The following RGS3 variants were observed in gnomAD, a reference collection of about 807,000 sequenced individuals.
RGS3 encodes regulator of G protein signaling 3.
In RGS3, 80 loss-of-function variants were observed where a neutral mutation model predicts 132.6. That is an observed-to-expected ratio of 0.60 (90% CI 0.50 to 0.73). RGS3 has a LOEUF of 0.73. RGS3 is among the 30% of genes least tolerant of loss of function. The pLI, the probability that RGS3 is intolerant of heterozygous loss-of-function variation, is 0.00. For missense variants in RGS3, 1,382 were observed against 1,530.8 expected, an observed-to-expected ratio of 0.90 and a Z score of 1.62; for synonymous variants, 598 against 620.6, an observed-to-expected ratio of 0.96 and a Z score of 0.54.
chr9:113,484,922 A>G (rs1366384747), intron 6 of RGS3, among the ~76,000 whole-genome samples: 8 of 152,200 alleles, frequency 5.3e-5, no homozygotes, highest in Non-Finnish European at 1.2e-4. Flanking sequence ...AAGAAAATAG[A>G]AAACACCTAT....
intron 16 of RGS3, 199 bp from the exon 15 acceptor site, chr9:113,522,731 G>A: frequency 1.7e-6 from 1 of 586,748 alleles, no homozygotes; most frequent in Non-Finnish European, 3.1e-6. Context: ...GAAGCTGGAG[G>A]GTGATGGGGC....
chr9:113,471,527 A>G (rs1430989881), intron 3 of RGS3, among the ~76,000 whole-genome samples: 1 of 152,074 alleles, frequency 6.6e-6, no homozygotes, highest in Non-Finnish European at 1.5e-5. Flanking sequence ...CATCCCAGAA[A>G]TGGAAGTCCC....
intron 20 of RGS3, among the ~76,000 whole-genome samples, chr9:113,585,210 G>A (rs371502667): frequency 8.5e-5 from 13 of 152,184 alleles, no homozygotes; most frequent in East Asian, 1.9e-4. Context: ...AACAGATTGC[G>A]CCATGATCTT....
chr9:113,594,616 A>G, intron 22 of RGS3, 85 bp downstream of exon 20: 1 of 1,171,982 alleles, frequency 8.5e-7, no homozygotes, highest in Non-Finnish European at 1.2e-6. Flanking sequence ...GTTGAGGGGA[A>G]GGGGCTTGCC....
chr9:113,583,791 C>A (rs1834950876), exon 20 of RGS3: 3 of 1,614,080 alleles, frequency 1.9e-6, no homozygotes, highest in Non-Finnish European at 2.5e-6. Context: ...CTCACCAGGA[C>A]CCTCTACTCA....
At chr9:113,525,882 C>T (rs1207227162) in intron 17 of RGS3, among the ~76,000 whole-genome samples, 3 of 152,164 alleles carry the variant, frequency 2.0e-5, no homozygotes, top group African/African-American at 4.8e-5. Context: ...TGCCTCAGTT[C>T]GGGAGCTGGG....
chr9:113,594,480 C>A, exon 22 of RGS3: 2 of 1,613,738 alleles, frequency 1.2e-6, no homozygotes, highest in Non-Finnish European at 1.7e-6. Flanking sequence ...CGGAATGAGT[C>A]CCCTGGAGCC....
chr9:113,475,092 C>G (rs867923196), intron 3 of RGS3, among the ~76,000 whole-genome samples: 11 of 152,300 alleles, frequency 7.2e-5, no homozygotes, highest in African/African-American at 2.4e-4. Flanking sequence ...TTGCCTTTTC[C>G]AGGCTTTCTG....
chr9:113,593,818 C>T, intron 21 of RGS3: 1 of 1,186,428 alleles, frequency 8.4e-7, no homozygotes, highest in South Asian at 1.5e-5. Flanking sequence ...AATAGCCAGT[C>T]CTGCCACCCC....
intron 19 of RGS3, among the ~76,000 whole-genome samples, chr9:113,541,072 C>A (rs1209632945): frequency 6.6e-6 from 1 of 152,232 alleles, no homozygotes; most frequent in Non-Finnish European, 1.5e-5. Flanking sequence ...TCCTGGTAGA[C>A]ATCTGCCATA....
intron 19 of RGS3, among the ~76,000 whole-genome samples, chr9:113,552,738 C>A (rs1833391038): frequency 6.6e-6 from 1 of 152,084 alleles, no homozygotes; most frequent in South Asian, 2.1e-4. Flanking sequence ...AAAATCTATA[C>A]AATACGGTCT....
At chr9:113,567,477 A>G (rs960768430) in intron 19 of RGS3, among the ~76,000 whole-genome samples, 2 of 152,212 alleles carry the variant, frequency 1.3e-5, no homozygotes, top group African/African-American at 4.8e-5. Context: ...ACAAACAGTG[A>G]CATGCAAGTC....
chr9:113,505,151 G>T, intron 10 of RGS3: 1 of 447,236 alleles, frequency 2.2e-6, no homozygotes, highest in South Asian at 2.9e-5. Context: ...GGCTGCTGGG[G>T]CTCAGGATGG....
chr9:113,499,843 G>A (rs894643270), intron 10 of RGS3, among the ~76,000 whole-genome samples: 6 of 152,226 alleles, frequency 3.9e-5, no homozygotes, highest in Non-Finnish European at 5.9e-5. Context: ...GTCTAGCTGC[G>A]ACTGGGTTAG....
chr9:113,472,565 T>C (rs575012770), intron 3 of RGS3, among the ~76,000 whole-genome samples: 27 of 152,248 alleles, frequency 1.8e-4, no homozygotes, highest in South Asian at 6.2e-4. Flanking sequence ...GTATCCAGAA[T>C]AGGCAAGTCC....
intron 14 of RGS3, among the ~76,000 whole-genome samples, chr9:113,511,129 A>G (rs928816362): frequency 6.6e-6 from 1 of 152,160 alleles, no homozygotes; most frequent in Non-Finnish European, 1.5e-5. Flanking sequence ...TGTGGTTGGC[A>G]TGTTTCCCAG....
Position 113,463,794 on chromosome 9 carries a change from T to G in RGS3, c.415+1593T>G, listed in dbSNP as rs1212794871. The G allele has an allele frequency of 6.2e-7, 1 of 1,607,024 alleles. No homozygotes were observed. Among genetic ancestry groups the G allele is most frequent in the Non-Finnish European group, 8.5e-7 (1 of 1,177,554 alleles). On this transcript the variant is annotated intron_variant, in intron 3 of 24. Transcript: ENST00000350696. The surrounding 1 kb of genome is among the most constrained non-coding windows in gnomAD (Gnocchi z 4.6). ...GCAGACGCTCCTGTCCGGGTCGCAG[T>G]GGGACGCCATGGAGCGCTCCCTGCA...
intron 1 of RGS3, among the ~76,000 whole-genome samples, chr9:113,460,921 G>C (rs1009454303): frequency 6.6e-6 from 1 of 152,064 alleles, no homozygotes; most frequent in Non-Finnish European, 1.5e-5. Flanking sequence ...ATCATTGCTC[G>C]ATACTTTATT....
chr9:113,459,349 A>T (rs894089730), upstream of RGS3, among the ~76,000 whole-genome samples: 13 of 152,330 alleles, frequency 8.5e-5, no homozygotes, highest in African/African-American at 3.1e-4. Flanking sequence ...TCTATTAAAA[A>T]TTTCAAACTT....
Sources: allele counts gnomAD v4.1 joint callset (sites outside exome capture counted in the v4.1 genomes callset), GRCh38; gene constraint gnomAD v4.1.1; non-coding constraint Gnocchi (gnomAD v3.1); transcripts MANE v1.5; gene names NCBI Gene and HGNC (gene_info 2026-07-23, HGNC 2026-07-21).